Variants in ANKS1B observed in about 807,000 individuals in gnomAD.
ANKS1B encodes the protein ankyrin repeat and sterile alpha motif domain-containing protein 1B.
Under a neutral mutation model 148.3 loss-of-function variants are expected in ANKS1B, and 36 were observed. The observed-to-expected ratio is 0.24, with a 90% CI of 0.19 to 0.32. The LOEUF (loss-of-function observed/expected upper bound fraction) is 0.32. Among genes scored for constraint, ANKS1B ranks in the 10% least tolerant of loss-of-function variants. The pLI is 1.00. For synonymous variants in ANKS1B, 542 were observed against 560.8 expected, an observed-to-expected ratio of 0.97 and a Z score of 0.47; for missense variants, 1,157 against 1,542.6, an observed-to-expected ratio of 0.75 and a Z score of 4.19.
At chr12:99,439,110 AC>A (rs1486570344) in intron 11 of ANKS1B, among the ~76,000 whole-genome samples, 4 of 151,810 alleles carry the variant, frequency 2.6e-5, no homozygotes, top group African/African-American at 4.8e-5. Context: ...TCAGTAAATA[AC>A]AATTTTTTTC....
chr12:99,350,910 G>C (rs540092042), intron 12 of ANKS1B, among the ~76,000 whole-genome samples: 1 of 151,966 alleles, frequency 6.6e-6, no homozygotes, highest in South Asian at 2.1e-4. Flanking sequence ...TGTCTTAATA[G>C]CAATCACTCC....
intron 15 of ANKS1B, among the ~76,000 whole-genome samples, chr12:99,138,509 A>G (rs10735364): frequency 0.84 from 128,419 of 152,218 alleles, 54,754 homozygotes; most frequent in East Asian, 0.99. Context: ...CTGTTTCCAT[A>G]CTCACCCGCC....
chr12:99,738,981 T>C (rs2059850349), intron 8 of ANKS1B, among the ~76,000 whole-genome samples: 1 of 151,954 alleles, frequency 6.6e-6, no homozygotes, highest in South Asian at 2.1e-4. Context: ...AAGTACTCTG[T>C]GGAATATTAA....
chr12:98,873,867 A>G (rs1288942224), intron 17 of ANKS1B, among the ~76,000 whole-genome samples: 1 of 152,208 alleles, frequency 6.6e-6, no homozygotes, highest in East Asian at 1.9e-4. Context: ...TCCAAAGGGC[A>G]GCAAAAGCAG....
chr12:99,245,808 G>T (rs1291279766), intron 13 of ANKS1B, among the ~76,000 whole-genome samples: 1 of 152,154 alleles, frequency 6.6e-6, no homozygotes, highest in Non-Finnish European at 1.5e-5. Context: ...TGTGTTTATT[G>T]TATGGTGGCT....
At chr12:99,590,819 C>T (rs914896589) in intron 9 of ANKS1B, among the ~76,000 whole-genome samples, 4 of 152,056 alleles carry the variant, frequency 2.6e-5, no homozygotes, top group African/African-American at 4.8e-5. Context: ...TCAGTGAAGG[C>T]GTATTTTTGT....
chr12:99,566,101 T>A (rs1283947831), intron 9 of ANKS1B, among the ~76,000 whole-genome samples: 1 of 152,330 alleles, frequency 6.6e-6, no homozygotes, highest in Admixed American at 6.5e-5. Context: ...TATTTCTCAA[T>A]GCCATACTTT....
At chr12:99,144,000 A>T (rs1052723837) in intron 15 of ANKS1B, among the ~76,000 whole-genome samples, 4 of 152,124 alleles carry the variant, frequency 2.6e-5, no homozygotes, top group Non-Finnish European at 5.9e-5. Context: ...TCTTTCTATA[A>T]CTAAGTTTTG....
At chr12:99,214,791 G>A (rs1249983087) in intron 14 of ANKS1B, among the ~76,000 whole-genome samples, 1 of 152,206 alleles carries the variant, frequency 6.6e-6, no homozygotes, top group East Asian at 1.9e-4. Flanking sequence ...GAAAAGACAG[G>A]AAGATGTGGT....
rs759764869 is a variant in ANKS1B at position 99,984,273 on chromosome 12, C to G, written c.-36G>C. The G allele has an allele frequency of 6.3e-6, 10 of 1,586,818 alleles. No homozygotes were observed. In the African/African-American group the frequency reaches 8.0e-5, roughly 13 times the overall value. On this transcript the variant is annotated 5_prime_UTR_variant, in exon 1 of 27. Coordinates refer to ENST00000683438, the MANE Select transcript of ANKS1B (RefSeq NM_001352186.2). ...CGACTCCCCCACAGAGTCCTTGCCC[C>G]CCTCGGGTCCTCCTCCCCACCCACC...
intron 9 of ANKS1B, among the ~76,000 whole-genome samples, chr12:99,625,841 G>A (rs2098107354): frequency 6.6e-6 from 1 of 152,144 alleles, no homozygotes; most frequent in Non-Finnish European, 1.5e-5. Context: ...TGAGTCCAAT[G>A]AGAGTAATAA....
At chr12:99,235,119 A>T (rs1445080713) in intron 14 of ANKS1B, among the ~76,000 whole-genome samples, 3 of 152,214 alleles carry the variant, frequency 2.0e-5, no homozygotes, top group Non-Finnish European at 2.9e-5. Flanking sequence ...GTAGGATGGC[A>T]ATATGATAGG....
At chr12:99,102,626 C>T (rs925960348) in intron 15 of ANKS1B, among the ~76,000 whole-genome samples, 2 of 152,106 alleles carry the variant, frequency 1.3e-5, no homozygotes, top group Non-Finnish European at 1.5e-5. Flanking sequence ...CACCTGTAGT[C>T]CCGGCTACTC....
chr12:99,216,850 G>C lies in ANKS1B; in HGVS notation c.2419+27492C>G, dbSNP rs188693257. Reference sequence around the variant, plus strand: ...CTCTTAGCTTCCTTTGCAGCTTGGCGTGGCCGTGTGACTAAGTTCTGATCA... The same window carrying C: ...CTCTTAGCTTCCTTTGCAGCTTGGCCTGGCCGTGTGACTAAGTTCTGATCA... On this transcript the variant is annotated intron_variant, in intron 14 of 26. Transcript: ENST00000683438. Among the ~76,000 whole-genome samples, 189 of 152,330 alleles carry C rather than the reference G, an allele frequency of 1.2e-3. 1 individual carries two copies. Among genetic ancestry groups the C allele is most frequent in the Non-Finnish European group, 2.0e-3 (136 of 68,038 alleles).
chr12:99,368,376 T>C (rs1224985657), intron 12 of ANKS1B, among the ~76,000 whole-genome samples: 3 of 152,050 alleles, frequency 2.0e-5, no homozygotes, highest in African/African-American at 7.2e-5. Flanking sequence ...ATGAATCTAA[T>C]ATAAAAGTTA....
chr12:99,797,672 A>T (rs187288885), intron 4 of ANKS1B, among the ~76,000 whole-genome samples: 1 of 151,974 alleles, frequency 6.6e-6, no homozygotes, highest in African/African-American at 2.4e-5. Flanking sequence ...GGGAAAAAAA[A>T]AAGACAAACC....
intron 17 of ANKS1B, among the ~76,000 whole-genome samples, chr12:99,037,215 A>G (rs575515514): frequency 6.6e-6 from 1 of 152,298 alleles, no homozygotes; most frequent in South Asian, 2.1e-4. Context: ...AAACCAAACT[A>G]AACATTCTTA....
intron 1 of ANKS1B, among the ~76,000 whole-genome samples, chr12:99,929,597 C>A (rs2094561356): frequency 6.6e-6 from 1 of 152,052 alleles, no homozygotes; most frequent in South Asian, 2.1e-4. Context: ...AATGGTATTG[C>A]CTAGGTTTTC....
intron 23 of ANKS1B, 102 bp downstream of exon 23, chr12:98,782,024 T>C (rs2098741893): frequency 2.0e-6 from 2 of 1,006,124 alleles, no homozygotes; most frequent in Non-Finnish European, 3.0e-6. Flanking sequence ...GTGCCTTTCC[T>C]GTTTAGCTTT....
Sources: gnomAD v4.1 joint callset for allele counts (sites outside exome capture counted in the v4.1 genomes callset) on GRCh38, gnomAD v4.1.1 for gene constraint, MANE v1.5 for transcripts, NCBI Gene and HGNC (gene_info 2026-07-23, HGNC 2026-07-21) for gene names.